TRMT44: variants seen among roughly 807,000 people sequenced by gnomAD.
TRMT44 encodes tRNA methyltransferase 44 homolog.
TRMT44 carries 78 observed loss-of-function variants against 77.3 expected under a neutral mutation model. The observed-to-expected ratio is 1.01, with a 90% CI of 0.84 to 1.22. The LOEUF (loss-of-function observed/expected upper bound fraction) is 1.22, where lower values mean the gene tolerates loss of function less well. Ranked by LOEUF, TRMT44 falls within the 50% of genes most tolerant of loss-of-function variation. TRMT44 has a pLI of 0.00. For synonymous variants in TRMT44, 391 were observed against 383.3 expected, an observed-to-expected ratio of 1.02 and a Z score of -0.23; for missense variants, 1,090 against 964.4, an observed-to-expected ratio of 1.13 and a Z score of -1.73.
At chr4:8,468,622 A>C (rs532190775) in intron 9 of TRMT44, 2 of 566,902 alleles carry the variant, frequency 3.5e-6, no homozygotes, top group East Asian at 2.8e-5. Context: ...GGCTAGAACT[A>C]CTCATTTTCA....
intron 8 of TRMT44, among the ~76,000 whole-genome samples, chr4:8,465,797 C>G (rs1726505170): frequency 1.3e-5 from 2 of 152,246 alleles, no homozygotes; most frequent in Admixed American, 6.5e-5. Flanking sequence ...CCTCGCCAAG[C>G]CCTCCTTGCC....
At chr4:8,465,034 G>A (rs1461113224) in intron 7 of TRMT44, among the ~76,000 whole-genome samples, 6 of 152,160 alleles carry the variant, frequency 3.9e-5, no homozygotes, top group Admixed American at 2.0e-4. Flanking sequence ...GGGACATCAA[G>A]ATGGCAGCAG....
At chr4:8,447,068 G>T (rs1725104610) in intron 2 of TRMT44, among the ~76,000 whole-genome samples, 1 of 152,096 alleles carries the variant, frequency 6.6e-6, no homozygotes, top group Non-Finnish European at 1.5e-5. Context: ...TAGAGACGGG[G>T]TTTCGCCATG....
chr4:8,452,117 C>A lies in TRMT44; in HGVS notation c.1023+89C>A. ...CTGTAGTGAAGGACATTTTCCAAAT[C>A]CATAACTGCCGGTGCTCACAATTCT... On this transcript the variant is annotated intron_variant, in intron 4 of 10. Transcript: ENST00000389737. This position sits in a 1 kb window ranked among gnomAD's most constrained non-coding sequence, Gnocchi z 5.7. 8.5e-7 allele frequency: 1 copy of A among 1,179,822 alleles called. No homozygotes were observed. The highest frequency in any genetic ancestry group is 1.2e-6 in the Non-Finnish European group (1 of 824,998). 73.1% of individuals were successfully genotyped at this position (1,179,822 alleles called of 1,614,324 possible). A position where few individuals can be genotyped will look rare whatever the true frequency, so the allele number is the denominator to read the frequency against.
downstream of TRMT44, chr4:8,477,526 C>T (rs1727452496): frequency 6.6e-6 from 1 of 152,350 alleles, no homozygotes; most frequent in South Asian, 2.1e-4. Flanking sequence ...GGAAGTTCTC[C>T]CTGCAGGGGA....
chr4:8,514,316 G>A, the TRMT44 span, among the ~76,000 whole-genome samples: 1 of 146,394 alleles, frequency 6.8e-6, no homozygotes, highest in South Asian at 2.1e-4. Context: ...GTGCAGTGGT[G>A]TGATCTCGGC....
At chr4:8,442,929 T>C (rs12108264) in intron 1 of TRMT44, among the ~76,000 whole-genome samples, 2,354 of 152,314 alleles carry the variant, frequency 0.015, 20 homozygotes, top group Middle Eastern at 0.034. Flanking sequence ...AGAGTACTCT[T>C]CCTCTTGAGG....
At chr4:8,447,288 CA>C (rs1725116269) in intron 2 of TRMT44, among the ~76,000 whole-genome samples, 1 of 152,172 alleles carries the variant, frequency 6.6e-6, no homozygotes, top group Non-Finnish European at 1.5e-5. Flanking sequence ...CCCTTAATTC[CA>C]TATGGTATTT....
Position 8,468,048 on chromosome 4 carries a change from A to C in TRMT44, c.1629A>C (p.Pro543=). 6.2e-7 allele frequency: 1 copy of C among 1,613,948 alleles called. No individual in the cohort carries two copies. The highest frequency in any genetic ancestry group is 1.6e-4 in the Middle Eastern group (1 of 6,062). Residue 543 remains proline, a synonymous_variant, in exon 9 of 11, where the codon CCA becomes CCC. Coordinates refer to ENST00000389737, the MANE Select transcript of TRMT44 (RefSeq NM_152544.3). ...CTGGCTGGGAGCTTTCCCCTTCTCC[A>C]CGCTGGGTTGCTGCTGGCAGTGCTG... ...SPPGWELSPS[P]RWVAAGSAGH... is the part of the protein sequence containing the mutation.
Position 8,468,073 on chromosome 4 carries a change from G to A in TRMT44, c.1654G>A (p.Gly552Ser). 7 of 1,613,940 alleles carry A rather than the reference G, an allele frequency of 4.3e-6. No homozygotes were observed. The highest frequency in any genetic ancestry group is 1.3e-5 in the African/African-American group (1 of 75,060). The change falls in exon 9 of 11, where the codon GGT becomes AGT. Residue 552 changes from glycine (G) to serine (S), a missense_variant. Gly to Ser is a moderately conservative substitution (Grantham distance 56). Transcript: ENST00000389737. ...SPRWVAAGSA[G>S]HCDGQQALDA... ...ACGCTGGGTTGCTGCTGGCAGTGCTGGTCACTGTGACGGTCAGCAAGCTCT... is the reference window on the plus strand; with the variant it reads ...ACGCTGGGTTGCTGCTGGCAGTGCTAGTCACTGTGACGGTCAGCAAGCTCT...
At position 8,441,226 on chromosome 4, in the gene TRMT44, GC is replaced by G; in HGVS notation, c.405del (p.Asp136ThrfsTer68). 1 of 1,535,448 alleles carries G rather than the reference GC, an allele frequency of 6.5e-7. No homozygotes were observed. The highest frequency in any genetic ancestry group is 1.4e-5 in the African/African-American group (1 of 73,060). Reference protein sequence around the residue: ...GHPGHAEGREGDFPAADLDSL... With the variant: ...GHPGHAEGREXDFPAADLDSL... ...CCCGGCCATGCTGAAGGAAGGGAGGGCGACTTCCCCGCCGCAGATCTGGATT... is the reference window on the plus strand; with the variant it reads ...CCCGGCCATGCTGAAGGAAGGGAGGGGACTTCCCCGCCGCAGATCTGGATT... On this transcript the variant is annotated frameshift_variant, in exon 1 of 11. Coordinates refer to ENST00000389737, the MANE Select transcript of TRMT44 (RefSeq NM_152544.3). LOFTEE classifies it high-confidence loss of function.
chr4:8,469,527 G>A (rs1726840359), intron 9 of TRMT44, among the ~76,000 whole-genome samples: 1 of 152,222 alleles, frequency 6.6e-6, no homozygotes, highest in Admixed American at 6.5e-5. Context: ...AAATTCCCAG[G>A]AGATGACGGG....
At chr4:8,449,944 C>CTTTTCT (rs1311862168) in intron 3 of TRMT44, 56 bp downstream of exon 3, 54 of 376,936 alleles carry the variant, frequency 1.4e-4, no homozygotes, top group Non-Finnish European at 1.2e-4. Flanking sequence ...CTTTTCTTTT[C>CTTTTCT]TTTTCTTTTT....
At chr4:8,474,732 C>T (rs1727258270) in intron 10 of TRMT44, among the ~76,000 whole-genome samples, 1 of 152,206 alleles carries the variant, frequency 6.6e-6, no homozygotes, top group African/African-American at 2.4e-5. Flanking sequence ...CCAGCGAGAA[C>T]CAGGAAGGAG....
chr4:8,475,400 G>A (rs1457305431), intron 10 of TRMT44, among the ~76,000 whole-genome samples: 1 of 152,232 alleles, frequency 6.6e-6, no homozygotes, highest in Non-Finnish European at 1.5e-5. Flanking sequence ...GAGGCCACAA[G>A]GGACCCAGCT....
At chr4:8,449,428 A>C (rs1286264202) in intron 2 of TRMT44, among the ~76,000 whole-genome samples, 1 of 152,228 alleles carries the variant, frequency 6.6e-6, no homozygotes, top group Non-Finnish European at 1.5e-5. Context: ...CAGCCGCCTC[A>C]GGGGCTTCGC....
chr4:8,451,687 C>T lies in TRMT44; in HGVS notation c.955-273C>T, dbSNP rs1015441675. 1.3e-5 allele frequency among the ~76,000 whole-genome samples: 2 copies of T among 152,204 alleles called. No homozygotes were observed. Among genetic ancestry groups the T allele is most frequent in the East Asian group, 1.9e-4 (1 of 5,204 alleles). On this transcript the variant is annotated intron_variant, in intron 3 of 10. Coordinates refer to ENST00000389737, the MANE Select transcript of TRMT44 (RefSeq NM_152544.3). This position sits in a 1 kb window ranked among gnomAD's most constrained non-coding sequence, Gnocchi z 4.1. ...TGAGCACAGTGTAGCTAAGTGTTTCCTCTGTGTCCACTGCCTCAGCTAAAT... is the reference window on the plus strand; with the variant it reads ...TGAGCACAGTGTAGCTAAGTGTTTCTTCTGTGTCCACTGCCTCAGCTAAAT...
chr4:8,501,660 A>T, the TRMT44 span, among the ~76,000 whole-genome samples: 12 of 151,532 alleles, frequency 7.9e-5, no homozygotes, highest in Non-Finnish European at 1.8e-4. The surrounding 1 kb of genome is among the most constrained non-coding windows in gnomAD (Gnocchi z 4.4). Context: ...ATGTTTTTGG[A>T]CTCTTCCTCT....
the TRMT44 span, among the ~76,000 whole-genome samples, chr4:8,505,675 G>A: frequency 8.5e-5 from 13 of 152,244 alleles, no homozygotes; most frequent in African/African-American, 3.1e-4. Flanking sequence ...GAGACAGAGA[G>A]GCTGAGACAC....
Sources: allele counts gnomAD v4.1 joint callset (sites outside exome capture counted in the v4.1 genomes callset), GRCh38; gene constraint gnomAD v4.1.1; non-coding constraint Gnocchi (gnomAD v3.1); transcripts MANE v1.5; gene names NCBI Gene and HGNC (gene_info 2026-07-23, HGNC 2026-07-21).